STPG2: variants seen among roughly 807,000 people sequenced by gnomAD.
STPG2 encodes the protein sperm-tail PG-rich repeat-containing protein 2.
In STPG2, 56 loss-of-function variants were observed where a neutral mutation model predicts 54.2. The observed-to-expected ratio is 1.03, with a 90% confidence interval of 0.83 to 1.29. STPG2 has a LOEUF of 1.29. STPG2 is among the 50% of genes most tolerant of loss of function. The probability of loss-of-function intolerance (pLI) is 0.00; values close to 1 mark genes in which losing one functional copy is unlikely to be tolerated. For missense variants in STPG2, 596 were observed against 544.9 expected, an observed-to-expected ratio of 1.09 and a Z score of -0.93; for synonymous variants, 200 against 181.8, an observed-to-expected ratio of 1.10 and a Z score of -0.81.
intron 4 of STPG2, among the ~76,000 whole-genome samples, chr4:97,441,993 T>C (rs1729094647): frequency 6.6e-6 from 1 of 152,024 alleles, no homozygotes; most frequent in African/African-American, 2.4e-5. Context: ...AATTTAGTTA[T>C]AAAATAAACT....
intron 10 of STPG2, among the ~76,000 whole-genome samples, chr4:97,638,704 CAAAA>C (rs1274426831): frequency 6.8e-6 from 1 of 146,272 alleles, no homozygotes; most frequent in East Asian, 1.9e-4. Context: ...AGACACTTCT[CAAAA>C]GAAGACATTT....
intron 9 of STPG2, among the ~76,000 whole-genome samples, chr4:97,827,772 G>A (rs139062958): frequency 1.1e-3 from 165 of 152,136 alleles, no homozygotes; most frequent in Middle Eastern, 3.4e-3. Flanking sequence ...TTTCCTTTAC[G>A]GAATCAAACT....
chr4:97,813,365 T>A (rs1265513971), intron 9 of STPG2, among the ~76,000 whole-genome samples: 1 of 152,184 alleles, frequency 6.6e-6, no homozygotes, highest in African/African-American at 2.4e-5. Context: ...AAGCTGCACA[T>A]GTACTCCCAA....
intron 9 of STPG2, among the ~76,000 whole-genome samples, chr4:97,801,339 C>CT (rs1173050689): frequency 6.6e-6 from 1 of 152,032 alleles, no homozygotes; most frequent in East Asian, 1.9e-4. Context: ...CATTTCTACA[C>CT]TTTTTTATCA....
chr4:98,072,106 C>T (rs1450521037), intron 5 of STPG2, among the ~76,000 whole-genome samples: 7 of 152,046 alleles, frequency 4.6e-5, no homozygotes, highest in African/African-American at 1.2e-4. Context: ...GACACATGCA[C>T]GTGTATGTTC....
intron 5 of STPG2, chr4:98,026,140 G>A (rs565316567): frequency 2.7e-6 from 4 of 1,467,730 alleles, no homozygotes; most frequent in Non-Finnish European, 3.8e-6. Context: ...TCTATGAAAA[G>A]AAGCCCAAGA....
intron 10 of STPG2, among the ~76,000 whole-genome samples, chr4:97,562,484 T>C (rs1203226526): frequency 2.0e-5 from 3 of 152,174 alleles, no homozygotes; most frequent in Admixed American, 6.5e-5. Context: ...CTATGTTGAA[T>C]AGGAGTGGTG....
At chr4:97,853,921 A>G (rs1729248397) in intron 8 of STPG2, among the ~76,000 whole-genome samples, 1 of 152,118 alleles carries the variant, frequency 6.6e-6, no homozygotes, top group Non-Finnish European at 1.5e-5. Context: ...AGCTGGAACT[A>G]CAAGCACAGG....
intron 10 of STPG2, among the ~76,000 whole-genome samples, chr4:97,667,393 G>A (rs1181778086): frequency 6.6e-6 from 1 of 152,190 alleles, no homozygotes; most frequent in African/African-American, 2.4e-5. Flanking sequence ...AGTTGGAACA[G>A]TAGAACCTAG....
intron 4 of STPG2, among the ~76,000 whole-genome samples, chr4:97,442,217 G>GT (rs147507970): frequency 0.015 from 2,199 of 147,150 alleles, 41 homozygotes; most frequent in African/African-American, 0.05. Context: ...TACATGACAT[G>GT]TTTTTTTTTG....
At chr4:98,065,092 G>C (rs892643093) in intron 5 of STPG2, among the ~76,000 whole-genome samples, 1 of 151,948 alleles carries the variant, frequency 6.6e-6, no homozygotes, top group African/African-American at 2.4e-5. Flanking sequence ...TTTAAAGGAA[G>C]GATATTCATC....
chr4:97,465,480 C>T (rs17026732), intron 4 of STPG2, among the ~76,000 whole-genome samples: 16,591 of 151,894 alleles, frequency 0.11, 2,664 homozygotes, highest in African/African-American at 0.35. Flanking sequence ...CCAGGTTTTT[C>T]CTTCTGTGTT....
intron 10 of STPG2, among the ~76,000 whole-genome samples, chr4:97,644,413 C>T (rs1330093453): frequency 1.3e-5 from 2 of 151,862 alleles, no homozygotes; most frequent in African/African-American, 4.8e-5. Context: ...TTTGTTAGTC[C>T]CCAGCCAAAC....
Position 97,840,813 on chromosome 4 carries a change from A to G in STPG2, c.1164T>C (p.Ser388=), listed in dbSNP as rs147052919. ...VAKRKHASFL[S]ATPRCLEKVT... is the part of the protein sequence containing the mutation. ...CTTTTTCTAGGCACCGAGGAGTTGC[A>G]CTAAGAAAAGAGGCATGTTTTCTTT... Residue 388 remains serine, a synonymous_variant, in exon 9 of 11, where the codon AGT becomes AGC. Transcript: ENST00000295268. The G allele has an allele frequency of 1.1e-5, 17 of 1,611,956 alleles. No homozygotes were observed. In the African/African-American group the frequency reaches 2.1e-4, roughly 20 times the overall value.
rs1447884549 is a variant in STPG2 at position 97,512,029 on chromosome 4, T to C, written c.462+200670A>G. On this transcript the variant is annotated intron_variant, in intron 4 of 4. Transcript: ENST00000522676. ...GCATGCTTTGCTGTTTTTTCAACTTTTTTTTCTTATAATCTTGAAATTGTA... is the reference window on the plus strand; with the variant it reads ...GCATGCTTTGCTGTTTTTTCAACTTCTTTTTCTTATAATCTTGAAATTGTA... Among the ~76,000 whole-genome samples, 3 of 152,054 alleles carry C rather than the reference T, an allele frequency of 2.0e-5. No homozygotes were observed. The East Asian group carries it at 5.8e-4, about 30-fold the overall frequency.
At chr4:97,675,690 T>C (rs1176271912) in intron 10 of STPG2, among the ~76,000 whole-genome samples, 2 of 151,908 alleles carry the variant, frequency 1.3e-5, no homozygotes, top group East Asian at 1.9e-4. Context: ...TGTGTGTGTG[T>C]GTGCGCGCGC....
intron 9 of STPG2, among the ~76,000 whole-genome samples, chr4:97,762,937 T>C (rs1281813220): frequency 1.3e-5 from 2 of 152,190 alleles, no homozygotes; most frequent in African/African-American, 4.8e-5. Context: ...TTCTTTCAAT[T>C]TGACCTTCAG....
At chr4:97,733,210 C>A (rs1724863556) in intron 9 of STPG2, among the ~76,000 whole-genome samples, 1 of 152,070 alleles carries the variant, frequency 6.6e-6, no homozygotes, top group Admixed American at 6.5e-5. Context: ...AACTAATGAG[C>A]AGCTAAAGAA....
intron 10 of STPG2, among the ~76,000 whole-genome samples, chr4:97,641,584 T>A (rs555153540): frequency 1.6e-4 from 25 of 151,642 alleles, no homozygotes; most frequent in African/African-American, 5.8e-4. Context: ...ATTATAACTT[T>A]TATTATTTCA....
Sources: allele counts gnomAD v4.1 joint callset (sites outside exome capture counted in the v4.1 genomes callset), GRCh38; gene constraint gnomAD v4.1.1; transcripts MANE v1.5; gene names NCBI Gene and HGNC (gene_info 2026-07-23, HGNC 2026-07-21).